ATG2B: variants seen among roughly 807,000 people sequenced by gnomAD.
The protein encoded by ATG2B is autophagy-related protein 2 homolog B.
Under a neutral mutation model 241.3 loss-of-function variants are expected in ATG2B, and 121 were observed. The ratio of observed to expected loss-of-function variants is 0.50; its 90% CI spans 0.43 to 0.58. The LOEUF (loss-of-function observed/expected upper bound fraction) is 0.58, where lower values mean the gene tolerates loss of function less well. ATG2B is among the 20% of genes least tolerant of loss of function. The pLI is 0.00. For synonymous variants in ATG2B, 858 were observed against 876.6 expected, an observed-to-expected ratio of 0.98 and a Z score of 0.37; for missense variants, 2,306 against 2,491.6, an observed-to-expected ratio of 0.93 and a Z score of 1.59.
rs373399335 is a variant in ATG2B at position 96,303,132 on chromosome 14, T to C, written c.4966A>G (p.Thr1656Ala). 2.0e-5 allele frequency: 33 copies of C among 1,612,992 alleles called. No individual in the cohort carries two copies. The highest frequency in any genetic ancestry group is 5.3e-5 in the African/African-American group (4 of 74,892). ...TATAAAAATTTATTCATTTGTGATG[T>C]TGCCAAACGATCTCGAATCTCAAGA... Reference protein sequence around the residue: ...QDLEIRDRLATSQMNKFLYLY... With the variant: ...QDLEIRDRLAASQMNKFLYLY... The change falls in exon 33 of 42, where the codon ACA becomes GCA. Residue 1656 changes from threonine (T) to alanine (A), a missense_variant. Transcript: ENST00000359933.
intron 1 of ATG2B, among the ~76,000 whole-genome samples, chr14:96,362,128 C>G (rs1002777661): frequency 2.6e-5 from 4 of 152,134 alleles, no homozygotes; most frequent in Admixed American, 6.5e-5. Context: ...TTTAAAATGT[C>G]TGAAAATTGC....
In ATG2B at chr14:96,313,340, T is replaced by A. The variant is rs1022645955; in HGVS notation, c.3738A>T (p.Ala1246=). The change falls in exon 24 of 42, where the codon GCA becomes GCT. Residue 1246 remains alanine, a synonymous_variant. Transcript: ENST00000359933. ...ATTTGTGAACTTACCTATAATCAAG[T>A]GCACAGCTCCAAAGATGAACATGAA... ...TTFHVHLWSC[A]LDYRPLYLPI... The A allele has an allele frequency of 6.3e-7, 1 of 1,583,302 alleles. No individual in the cohort carries two copies. The highest frequency in any genetic ancestry group is 8.5e-7 in the Non-Finnish European group (1 of 1,169,732).
chr14:96,287,497 A>G (rs1474592399), intron 41 of ATG2B, among the ~76,000 whole-genome samples: 2 of 152,232 alleles, frequency 1.3e-5, no homozygotes, highest in African/African-American at 2.4e-5. Flanking sequence ...TGCGGACAAC[A>G]GAAGTAAATT....
intron 1 of ATG2B, among the ~76,000 whole-genome samples, chr14:96,348,562 A>C (rs1888231251): frequency 6.6e-6 from 1 of 151,916 alleles, no homozygotes; most frequent in Non-Finnish European, 1.5e-5. Context: ...ACGTGCCTGT[A>C]ATCCCAGCTG....
chr14:96,309,726 T>C, intron 28 of ATG2B, 132 bp from the exon 29 acceptor site: 4 of 840,508 alleles, frequency 4.8e-6, no homozygotes, highest in East Asian at 2.8e-5. Flanking sequence ...CATTTTTCTA[T>C]GCCCAGCAGC....
intron 1 of ATG2B, among the ~76,000 whole-genome samples, chr14:96,356,292 A>G (rs1888473371): frequency 6.6e-6 from 1 of 152,184 alleles, no homozygotes; most frequent in African/African-American, 2.4e-5. Context: ...AATCTTCATA[A>G]TAACCCTCCG....
At chr14:96,310,687 G>A (rs2139858106) in intron 28 of ATG2B, among the ~76,000 whole-genome samples, 1 of 152,218 alleles carries the variant, frequency 6.6e-6, no homozygotes, top group African/African-American at 2.4e-5. Context: ...AAAGTACACT[G>A]AAAACTGGAT....
Position 96,290,346 on chromosome 14 carries a change from A to T in ATG2B, c.5856+90T>A. On this transcript the variant is annotated intron_variant, in intron 40 of 41. Coordinates refer to ENST00000359933, the MANE Select transcript of ATG2B (RefSeq NM_018036.7). This position sits in a 1 kb window ranked among gnomAD's most constrained non-coding sequence, Gnocchi z 4.4. ...AAAGTATCTACTCACAACATTTTGT[A>T]TATCTTCACAGTATCGTTTTAAAAA... is the stretch of plus-strand genomic sequence containing the variant. 6.8e-7 allele frequency: 1 copy of T among 1,463,060 alleles called. No individual in the cohort carries two copies. The highest frequency in any genetic ancestry group is 9.2e-7 in the Non-Finnish European group (1 of 1,084,832). 90.6% of individuals were successfully genotyped at this position (1,463,060 alleles called of 1,614,324 possible).
Position 96,349,056 on chromosome 14 carries a change from T to G in ATG2B, c.163-1715A>C, listed in dbSNP as rs76451673. ...TACAGAGGAAACACACTGTGCTATT[T>G]GAACACATAATAGAACCTAACCTGC... On this transcript the variant is annotated intron_variant, in intron 1 of 41. Coordinates refer to ENST00000359933, the MANE Select transcript of ATG2B (RefSeq NM_018036.7). Among the ~76,000 whole-genome samples the G allele has an allele frequency of 3.0e-4, 45 of 152,322 alleles. 1 individual carries two copies. In the East Asian group the frequency reaches 8.7e-3, roughly 29 times the overall value.
rs1008115194 is a variant in ATG2B, at chr14:96,283,626, C to T, written c.*2129G>A. 6.6e-6 allele frequency: 1 copy of T among 152,200 alleles called. No homozygotes were observed. The highest frequency in any genetic ancestry group is 1.5e-5 in the Non-Finnish European group (1 of 68,044). 9.4% of individuals were successfully genotyped at this position (152,200 alleles called of 1,614,324 possible). A position where few individuals can be genotyped will look rare whatever the true frequency, so the allele number is the denominator to read the frequency against. ...GGTAAGCTGCAGATGTGGCAAACCA[C>T]GGATTCTAGCCACGCTCTTTCTACT... On this transcript the variant is annotated 3_prime_UTR_variant, in exon 42 of 42. Coordinates refer to ENST00000359933, the MANE Select transcript of ATG2B (RefSeq NM_018036.7).
rs1886257128 is a variant in ATG2B, at chr14:96,283,535, C to A, written c.*2220G>T. The A allele has an allele frequency of 6.6e-6, 1 of 152,150 alleles. No individual in the cohort carries two copies. Among genetic ancestry groups the A allele is most frequent in the African/African-American group, 2.4e-5 (1 of 41,422 alleles). The allele number at this position is 152,150 out of a possible 1,614,324, so 9.4% of individuals were successfully genotyped here. On this transcript the variant is annotated 3_prime_UTR_variant, in exon 42 of 42. Transcript: ENST00000359933. ...CCCTTTGGGCTTTGTCGTAAAAAAC[C>A]CTCCATTTACCAGGAGGGATGCTGA...
intron 12 of ATG2B, 98 bp from the exon 13 acceptor site, chr14:96,328,864 C>G: frequency 1.1e-6 from 1 of 923,014 alleles, no homozygotes; most frequent in East Asian, 2.7e-5. Flanking sequence ...AGTCAGAAAT[C>G]TGGTTTTAAG....
chr14:96,290,391 C>T lies in ATG2B; in HGVS notation c.5856+45G>A. The stretch of plus-strand genomic sequence containing the variant: ...TAAAAACAAAAGGACCCAACCATTT[C>T]ACAATGGCTCTTTTTGGATAGACTA... On this transcript the variant is annotated intron_variant, in intron 40 of 41. Coordinates refer to ENST00000359933, the MANE Select transcript of ATG2B (RefSeq NM_018036.7). This position sits in a 1 kb window ranked among gnomAD's most constrained non-coding sequence, Gnocchi z 4.4. The T allele has an allele frequency of 6.3e-7, 1 of 1,585,506 alleles. No individual in the cohort carries two copies. The highest frequency in any genetic ancestry group is 8.6e-7 in the Non-Finnish European group (1 of 1,163,284).
Position 96,316,633 on chromosome 14 carries a change from C to T in ATG2B, c.3261G>A (p.Glu1087=). 1 of 1,612,522 alleles carries T rather than the reference C, an allele frequency of 6.2e-7. No homozygotes were observed. Among genetic ancestry groups the T allele is most frequent in the Non-Finnish European group, 8.5e-7 (1 of 1,179,356 alleles). The change falls in exon 21 of 42, where the codon GAG becomes GAA. Residue 1087 remains glutamate (E), a synonymous_variant. Coordinates refer to ENST00000359933, the MANE Select transcript of ATG2B (RefSeq NM_018036.7). ...LENKHGEFWL[E]FNSGSLFCVT... is the part of the protein sequence containing the mutation. The stretch of plus-strand genomic sequence containing the variant: ...CACAAAATAATGAACCACTATTGAA[C>T]TCTAACCAGAATTCACCATGCTTGT...
chr14:96,326,853 C>A (rs1413561678), intron 14 of ATG2B, among the ~76,000 whole-genome samples: 1 of 152,150 alleles, frequency 6.6e-6, no homozygotes, highest in Non-Finnish European at 1.5e-5. Context: ...AGCCACCACA[C>A]CCATCCAGAC....
rs67718533 is a variant in ATG2B at position 96,314,670 on chromosome 14, C to CTGTTTTGTTT, written c.3642+474_3642+483dup. 4.0e-5 allele frequency among the ~76,000 whole-genome samples: 6 copies of CTGTTTTGTTT among 151,466 alleles called. No individual in the cohort carries two copies. The East Asian group carries it at 7.8e-4, about 20-fold the overall frequency. On this transcript the variant is annotated intron_variant, in intron 23 of 41. Coordinates refer to ENST00000359933, the MANE Select transcript of ATG2B (RefSeq NM_018036.7). ...CCAATTACATTCTGAGGTGATAATA[C>CTGTTTTGTTT]TGTTTTGTTTTGTTTTGTTTTGTTT... is the stretch of plus-strand genomic sequence containing the variant.
chr14:96,320,257 C>T (rs1482730013), intron 18 of ATG2B, among the ~76,000 whole-genome samples: 4 of 152,092 alleles, frequency 2.6e-5, no homozygotes, highest in African/African-American at 9.7e-5. Flanking sequence ...TTCATATACT[C>T]GCCAAAGACC....
Position 96,325,831 on chromosome 14 carries a change from A to T in ATG2B, c.2255T>A (p.Leu752His). ...SVQVATPALN[L>H]SVRFPIPDLR... The stretch of plus-strand genomic sequence containing the variant: ...ATCAGGTATTGGGAAGCGAACAGAA[A>T]GGTTTAATGCTGGTGTGGCAACTTG... The change falls in exon 15 of 42, where the codon CTT becomes CAT. Residue 752 changes from leucine (L) to histidine (H), a missense_variant. By Grantham distance (99) the Leu-to-His change is moderately conservative. Transcript: ENST00000359933. The T allele has an allele frequency of 1.2e-6, 2 of 1,614,084 alleles. No homozygotes were observed. Among genetic ancestry groups the T allele is most frequent in the Non-Finnish European group, 1.7e-6 (2 of 1,179,996 alleles).
intron 1 of ATG2B, 45 bp downstream of exon 1, chr14:96,362,770 A>G (rs1368864828): frequency 6.4e-7 from 1 of 1,573,316 alleles, no homozygotes; most frequent in African/African-American, 1.4e-5. Context: ...AAGCGCCCTA[A>G]AGAGGGGAGC....
Sources: allele counts gnomAD v4.1 joint callset (sites outside exome capture counted in the v4.1 genomes callset), GRCh38; gene constraint gnomAD v4.1.1; non-coding constraint Gnocchi (gnomAD v3.1); transcripts MANE v1.5; gene names NCBI Gene and HGNC (gene_info 2026-07-23, HGNC 2026-07-21).